LRRC74B: variants seen among roughly 807,000 people sequenced by gnomAD.
LRRC74B encodes leucine-rich repeat-containing protein 74B.
In LRRC74B, 30 loss-of-function variants were observed where a neutral mutation model predicts 16.6. The ratio of observed to expected loss-of-function variants is 1.80; its 90% CI spans 1.35 to 2.45. The LOEUF is 2.45. Ranked by LOEUF, LRRC74B falls within the 30% of genes most tolerant of loss-of-function variation. The pLI is 0.00. For missense variants in LRRC74B, 326 were observed against 202.4 expected (o/e 1.61, Z -3.71); for synonymous variants, 134 against 86.0 (o/e 1.56, Z -3.09).
rs1434432983 is a variant in LRRC74B at position 21,053,678 on chromosome 22, C to T, written c.848+203C>T. The T allele has an allele frequency of 1.2e-4, 55 of 470,234 alleles. 1 individual carries two copies. In the Admixed American group the frequency reaches 2.1e-3, roughly 18 times the overall value. The allele number at this position is 470,234 out of a possible 1,614,324, so 29.1% of individuals were successfully genotyped here. A position where few individuals can be genotyped will look rare whatever the true frequency, so the allele number is the denominator to read the frequency against. On this transcript the variant is annotated intron_variant, in intron 6 of 8. Transcript: ENST00000442047. ...TTGCTTTATTGCCCAGGGTAGAGTG[C>T]AGTGCTGTGATCATGGCCCACTGCA...
chr22:21,050,726 C>T (rs960439260), intron 4 of LRRC74B, among the ~76,000 whole-genome samples: 4 of 145,828 alleles, frequency 2.7e-5, no homozygotes, highest in South Asian at 4.3e-4. Flanking sequence ...TGCAGTGAGC[C>T]GAGATAGCAC....
At chr22:21,052,668 C>T (rs1000700386) in intron 5 of LRRC74B, among the ~76,000 whole-genome samples, 58 of 152,200 alleles carry the variant, frequency 3.8e-4, no homozygotes, top group African/African-American at 1.2e-3. Flanking sequence ...GTTGGGCATA[C>T]GCAGGTGGTT....
intron 7 of LRRC74B, 80 bp from the exon 8 acceptor site, chr22:21,057,025 G>A (rs1930573125): frequency 1.5e-6 from 1 of 689,602 alleles, no homozygotes; most frequent in East Asian, 2.7e-5. Flanking sequence ...TCAGAGATGA[G>A]GAGCCCCTCC....
chr22:21,051,930 C>G (rs1242336626), intron 4 of LRRC74B, among the ~76,000 whole-genome samples: 1 of 152,216 alleles, frequency 6.6e-6, no homozygotes. Flanking sequence ...CCCCACTGTG[C>G]ATGCACACAC....
intron 4 of LRRC74B, among the ~76,000 whole-genome samples, chr22:21,049,770 G>A (rs1842777121): frequency 6.6e-6 from 1 of 152,138 alleles, no homozygotes; most frequent in South Asian, 2.1e-4. Flanking sequence ...GGCAAAAACG[G>A]TGAAGATTTT....
At chr22:21,058,140 A>T (rs1359454497) in intron 8 of LRRC74B, among the ~76,000 whole-genome samples, 5 of 149,452 alleles carry the variant, frequency 3.3e-5, no homozygotes, top group Admixed American at 6.7e-5. Flanking sequence ...ACCTCAGGTG[A>T]TCCACCCACC....
chr22:21,063,026 G>A (rs1930885792), downstream of LRRC74B: 1 of 131,474 alleles, frequency 7.6e-6, no homozygotes, highest in Non-Finnish European at 1.6e-5. Context: ...GTGGGAACCT[G>A]TCTCGAAAAA....
At chr22:21,054,813 C>T (rs1298724815) in intron 6 of LRRC74B, among the ~76,000 whole-genome samples, 1 of 152,228 alleles carries the variant, frequency 6.6e-6, no homozygotes, top group Non-Finnish European at 1.5e-5. Context: ...GAGGTGTCAG[C>T]TGGGGCAGAA....
At chr22:21,051,851 C>T (rs1462909671) in intron 4 of LRRC74B, among the ~76,000 whole-genome samples, 1 of 152,190 alleles carries the variant, frequency 6.6e-6, no homozygotes, top group Non-Finnish European at 1.5e-5. Context: ...TGTGTCTCCT[C>T]CCCACTGTGC....
chr22:21,059,271 C>G, intron 8 of LRRC74B, among the ~76,000 whole-genome samples: 1 of 152,170 alleles, frequency 6.6e-6, no homozygotes, highest in Non-Finnish European at 1.5e-5. Context: ...ACTTGTAATC[C>G]CAGCTACTCA....
At chr22:21,053,736 A>T (rs1226223768) in intron 6 of LRRC74B, 1 of 286,200 alleles carries the variant, frequency 3.5e-6, no homozygotes, top group African/African-American at 2.2e-5. Context: ...CAATCCCACC[A>T]CCTCAGCCTC....
intron 4 of LRRC74B, among the ~76,000 whole-genome samples, chr22:21,052,038 T>C (rs902119487): frequency 6.6e-6 from 1 of 152,136 alleles, no homozygotes; most frequent in Non-Finnish European, 1.5e-5. Flanking sequence ...CGCCTCCCCC[T>C]TTTAGTCTAA....
intron 8 of LRRC74B, among the ~76,000 whole-genome samples, chr22:21,059,814 T>C (rs1258755345): frequency 1.3e-5 from 2 of 152,026 alleles, no homozygotes; most frequent in Non-Finnish European, 2.9e-5. Flanking sequence ...TAAGCTGAGA[T>C]GACAGACCTA....
intron 6 of LRRC74B, among the ~76,000 whole-genome samples, chr22:21,054,531 G>A (rs1930330337): frequency 6.6e-6 from 1 of 152,362 alleles, no homozygotes; most frequent in Non-Finnish European, 1.5e-5. Flanking sequence ...CTCCCCAGGG[G>A]CAGCTCCCTG....
At chr22:21,056,662 C>CCTTTGTT (rs1220138963) in intron 7 of LRRC74B, 1 of 181,570 alleles carries the variant, frequency 5.5e-6, no homozygotes, top group East Asian at 1.6e-4. Flanking sequence ...TTCACCCCTG[C>CCTTTGTT]CTTTGTTCCT....
chr22:21,047,476 G>T (rs1280560506), exon 2 of LRRC74B: 1 of 717,470 alleles, frequency 1.4e-6, no homozygotes, highest in East Asian at 2.7e-5. Context: ...CTGAACCTCC[G>T]GCACCGTGGC....
downstream of LRRC74B, chr22:21,060,675 C>T: frequency 1.7e-6 from 1 of 577,336 alleles, no homozygotes; most frequent in South Asian, 2.3e-5. Flanking sequence ...GCTCACACAC[C>T]TGTACCCTCC....
chr22:21,062,754 GCA>G (rs1398847057), downstream of LRRC74B: 2 of 147,056 alleles, frequency 1.4e-5, no homozygotes, highest in Admixed American at 1.4e-4. Context: ...CAGGCTCAGC[GCA>G]CTGGCACATG....
At chr22:21,049,463 A>C (rs1374709194) in intron 4 of LRRC74B, 1 of 337,258 alleles carries the variant, frequency 3.0e-6, no homozygotes, top group Non-Finnish European at 5.4e-6. Context: ...CTGAGTAATT[A>C]TTGGTGCTAC....
Sources: gnomAD v4.1 joint callset for allele counts (sites outside exome capture counted in the v4.1 genomes callset) on GRCh38, gnomAD v4.1.1 for gene constraint, MANE v1.5 for transcripts, NCBI Gene and HGNC (gene_info 2026-07-23, HGNC 2026-07-21) for gene names.